The following LAMC3 variants were observed in gnomAD, a reference collection of about 807,000 sequenced individuals.
LAMC3 encodes laminin subunit gamma 3.
In LAMC3, 128 loss-of-function variants were observed where a neutral mutation model predicts 173.8. That is an observed-to-expected ratio of 0.74 (90% CI 0.64 to 0.85). LAMC3 has a LOEUF of 0.85. Among genes scored for constraint, LAMC3 ranks in the 40% least tolerant of loss-of-function variants. The pLI, the probability that LAMC3 is intolerant of heterozygous loss-of-function variation, is 0.00. For missense variants in LAMC3, 2,022 were observed against 2,156.0 expected (o/e 0.94, Z 1.23); for synonymous variants, 897 against 909.1 (o/e 0.99, Z 0.24).
At chr9:131,091,256 C>G (rs1830419317) in intron 27 of LAMC3, among the ~76,000 whole-genome samples, 1 of 152,256 alleles carries the variant, frequency 6.6e-6, no homozygotes, top group African/African-American at 2.4e-5. Context: ...GAGGACTCAC[C>G]TGAGGCCTTC....
chr9:131,056,016 G>A (rs960255578), intron 11 of LAMC3, among the ~76,000 whole-genome samples: 4 of 127,058 alleles, frequency 3.1e-5, no homozygotes, highest in Non-Finnish European at 4.9e-5. Context: ...ACAACAAGGC[G>A]AAACCGTTTT....
intron 26 of LAMC3, 25 bp from the exon 27 acceptor site, chr9:131,087,693 T>C: frequency 6.2e-7 from 1 of 1,613,872 alleles, no homozygotes; most frequent in South Asian, 1.1e-5. Flanking sequence ...CCATTCAAGC[T>C]GTTTCTTCCT....
chr9:131,021,210 A>G (rs1588137945), intron 1 of LAMC3: 1 of 152,362 alleles, frequency 6.6e-6, no homozygotes, highest in East Asian at 1.9e-4. Context: ...CAGAAAGCAG[A>G]AAGCAGTCAG....
At chr9:131,045,482 G>C in intron 7 of LAMC3, 42 bp from the exon 8 acceptor site, 6 of 1,611,800 alleles carry the variant, frequency 3.7e-6, no homozygotes, top group Non-Finnish European at 4.2e-6. Flanking sequence ...CTTCCTGGCT[G>C]ATTCACGTGG....
At chr9:131,033,751 G>A (rs976494782) in intron 3 of LAMC3, among the ~76,000 whole-genome samples, 2 of 152,144 alleles carry the variant, frequency 1.3e-5, no homozygotes, top group East Asian at 3.9e-4. Flanking sequence ...TGGGGCGCGT[G>A]GGTCTGAACG....
chr9:131,056,670 G>A (rs1834411584), intron 11 of LAMC3, among the ~76,000 whole-genome samples: 1 of 152,134 alleles, frequency 6.6e-6, no homozygotes, highest in Non-Finnish European at 1.5e-5. Flanking sequence ...TGTCTTGCCT[G>A]TAGTCGCAGC....
At chr9:131,020,467 C>T (rs1387049035) in intron 1 of LAMC3, among the ~76,000 whole-genome samples, 1 of 152,124 alleles carries the variant, frequency 6.6e-6, no homozygotes, top group Non-Finnish European at 1.5e-5. Flanking sequence ...ATCAAGATTG[C>T]CAAGTCTAAA....
intron 23 of LAMC3, among the ~76,000 whole-genome samples, chr9:131,081,316 C>A (rs1446397666): frequency 6.6e-6 from 1 of 152,198 alleles, no homozygotes; most frequent in Non-Finnish European, 1.5e-5. Context: ...GACCCAAATT[C>A]TTTCAGTGTA....
chr9:131,048,193 A>G lies in LAMC3; in HGVS notation c.1520-827A>G, dbSNP rs1834211769. ...TGCCTCAGCCTCCTGAGTAGCTCAG[A>G]TTATAGGCAGCTGCTACCATGCCTG... On this transcript the variant is annotated intron_variant, in intron 8 of 27. Transcript: ENST00000361069. Among the ~76,000 whole-genome samples the G allele has an allele frequency of 2.0e-5, 3 of 151,130 alleles. No individual in the cohort carries two copies. In the South Asian group the frequency reaches 6.3e-4, roughly 32 times the overall value.
intron 1 of LAMC3, among the ~76,000 whole-genome samples, chr9:131,020,044 G>A (rs956034553): frequency 3.3e-5 from 5 of 152,116 alleles, no homozygotes; most frequent in South Asian, 2.1e-4. Context: ...AGCTCAGTAC[G>A]AAGAGGCTTA....
At chr9:131,051,755 A>C (rs892932692) in intron 9 of LAMC3, among the ~76,000 whole-genome samples, 1 of 151,962 alleles carries the variant, frequency 6.6e-6, no homozygotes, top group African/African-American at 2.4e-5. Flanking sequence ...TGTTCCACCA[A>C]CATGGCACAC....
At chr9:131,066,657 A>G (rs1829938804) in intron 13 of LAMC3, among the ~76,000 whole-genome samples, 1 of 152,118 alleles carries the variant, frequency 6.6e-6, no homozygotes, top group Admixed American at 6.5e-5. Flanking sequence ...TGCTTACTAC[A>G]TGTCAGGCTG....
At chr9:131,066,845 C>G in intron 13 of LAMC3, 115 bp from the exon 14 acceptor site, 1 of 1,429,258 alleles carries the variant, frequency 7.0e-7, no homozygotes, top group South Asian at 1.3e-5. Context: ...TCCTCCTGCC[C>G]AAGCCCGTGC....
chr9:131,055,428 T>TA (rs1834381732), intron 11 of LAMC3, among the ~76,000 whole-genome samples: 1 of 140,710 alleles, frequency 7.1e-6, no homozygotes, highest in South Asian at 2.4e-4. Context: ...TCTTTCTTTT[T>TA]TTTTTTTTTT....
At chr9:131,019,408 G>T (rs146481900) in intron 1 of LAMC3, among the ~76,000 whole-genome samples, 8 of 152,316 alleles carry the variant, frequency 5.3e-5, no homozygotes, top group Non-Finnish European at 1.0e-4. Flanking sequence ...CCCGATGAAT[G>T]AGTAGACTCG....
chr9:131,068,274 GAGGGAA>G, intron 15 of LAMC3, 43 bp downstream of exon 15: 1 of 1,585,050 alleles, frequency 6.3e-7, no homozygotes, highest in Non-Finnish European at 8.6e-7. Flanking sequence ...ACCTCTCCAG[GAGGGAA>G]GAAGGCATCG....
chr9:131,092,216 T>A lies in LAMC3; in HGVS notation c.*429T>A. The A allele has an allele frequency of 4.5e-6, 1 of 222,308 alleles. No homozygotes were observed. 13.8% of individuals were successfully genotyped at this position (222,308 alleles called of 1,614,324 possible). ...TCTGGATGTTGGGCAAGTTGTTACATGAGATGCCCTGGGGTGCTACATCCA... is the reference window on the plus strand; with the variant it reads ...TCTGGATGTTGGGCAAGTTGTTACAAGAGATGCCCTGGGGTGCTACATCCA... On this transcript the variant is annotated 3_prime_UTR_variant, in exon 28 of 28. Transcript: ENST00000361069.
Position 131,085,506 on chromosome 9 carries a change from C to T in LAMC3, c.4031-18C>T, listed in dbSNP as rs1830313182. On this transcript the variant is annotated intron_variant, in intron 24 of 27. Coordinates refer to ENST00000361069, the MANE Select transcript of LAMC3 (RefSeq NM_006059.4). ...TGTGAGCCCAGTTCCCCTGACCCAG[C>T]CTCAGCCGGGTTTGCAGGAATGAAG... is the stretch of plus-strand genomic sequence containing the variant. 6.2e-7 allele frequency: 1 copy of T among 1,613,252 alleles called. No individual in the cohort carries two copies. The highest frequency in any genetic ancestry group is 8.5e-7 in the Non-Finnish European group (1 of 1,179,810).
chr9:131,069,258 G>A (rs1467859334), intron 16 of LAMC3, among the ~76,000 whole-genome samples: 1 of 152,226 alleles, frequency 6.6e-6, no homozygotes, highest in Admixed American at 6.5e-5. Context: ...AGTGGGTGCA[G>A]GGCTGTGCTT....
Sources: gnomAD v4.1 joint callset for allele counts (sites outside exome capture counted in the v4.1 genomes callset) on GRCh38, gnomAD v4.1.1 for gene constraint, MANE v1.5 for transcripts, NCBI Gene and HGNC (gene_info 2026-07-23, HGNC 2026-07-21) for gene names.